GGPS1: variants seen among roughly 807,000 people sequenced by gnomAD.
GGPS1 encodes geranylgeranyl diphosphate synthase 1.
GGPS1 carries 15 observed loss-of-function variants against 28.1 expected under a neutral mutation model. The ratio of observed to expected loss-of-function variants is 0.53; its 90% CI spans 0.36 to 0.82. The LOEUF (loss-of-function observed/expected upper bound fraction) is 0.82, where lower values mean the gene tolerates loss of function less well. Ranked by LOEUF, GGPS1 falls within the 40% of genes least tolerant of loss-of-function variation. The probability of loss-of-function intolerance (pLI) is 0.01; values close to 1 mark genes in which losing one functional copy is unlikely to be tolerated. For synonymous variants in GGPS1, 138 were observed against 122.4 expected (o/e 1.13, Z -0.84); for missense variants, 284 against 348.3 (o/e 0.82, Z 1.47).
At chr1:235,335,745 T>C (rs150234060) in intron 2 of GGPS1, among the ~76,000 whole-genome samples, 1 of 152,326 alleles carries the variant, frequency 6.6e-6, no homozygotes, top group Non-Finnish European at 1.5e-5. Flanking sequence ...AAAATAAAAA[T>C]ACTTAAAACA....
intron 2 of GGPS1, among the ~76,000 whole-genome samples, chr1:235,340,735 CAAAAAAAAAAAA>C (rs1165162184): frequency 9.8e-5 from 5 of 50,994 alleles, no homozygotes; most frequent in Non-Finnish European, 6.7e-5. Context: ...GACTCCGTCT[CAAAAAAAAAAAA>C]AAAAAAAAAA....
intron 1 of GGPS1, among the ~76,000 whole-genome samples, chr1:235,331,671 T>A (rs984365853): frequency 5.9e-5 from 9 of 151,708 alleles, no homozygotes; most frequent in Admixed American, 5.9e-4. Context: ...TTTCATCATA[T>A]TCTCAAAAGG....
In GGPS1 at chr1:235,342,239, C is replaced by G. The variant is rs1162297913; in HGVS notation, c.370C>G (p.Gln124Glu). The change falls in exon 4 of 4, where the codon CAG becomes GAG. Residue 124 changes from glutamine to glutamate, a missense_variant. Transcript: ENST00000282841. Reference protein sequence around the residue: ...LFTRQLLELHQGQGLDIYWRD... With the variant: ...LFTRQLLELHEGQGLDIYWRD... Reference sequence around the variant, plus strand: ...TACCCGCCAGCTTTTGGAACTCCATCAGGGACAAGGCCTAGATATTTACTG... The same window carrying G: ...TACCCGCCAGCTTTTGGAACTCCATGAGGGACAAGGCCTAGATATTTACTG... 6.2e-7 allele frequency: 1 copy of G among 1,613,984 alleles called. No homozygotes were observed. Among genetic ancestry groups the G allele is most frequent in the Non-Finnish European group, 8.5e-7 (1 of 1,179,894 alleles).
upstream of GGPS1, chr1:235,328,245 C>A (rs1419018682): frequency 6.7e-6 from 1 of 148,972 alleles, no homozygotes; most frequent in Non-Finnish European, 1.5e-5. Context: ...TTTTTTCCCC[C>A]CCTCCCCTAC....
At chr1:235,330,018 C>A (rs867839880) in intron 1 of GGPS1, 1 of 152,164 alleles carries the variant, frequency 6.6e-6, no homozygotes, top group Non-Finnish European at 1.5e-5. Flanking sequence ...TAAAAGGAAA[C>A]TAGTAGAGTT....
At chr1:235,333,446 G>A (rs147439806) in intron 1 of GGPS1, among the ~76,000 whole-genome samples, 3 of 151,984 alleles carry the variant, frequency 2.0e-5, no homozygotes, top group Admixed American at 1.3e-4. Context: ...GCAAGAACCT[G>A]TAATCCCTGC....
intron 3 of GGPS1, 28 bp from the exon 4 acceptor site, chr1:235,341,983 T>G (rs1250295042): frequency 2.2e-6 from 3 of 1,369,576 alleles, no homozygotes; most frequent in Non-Finnish European, 3.0e-6. Context: ...ATAGTTCAAA[T>G]AAGTGAAATT....
Position 235,342,227 on chromosome 1 carries a change from T to C in GGPS1, c.358T>C (p.Leu120=). The C allele has an allele frequency of 6.2e-7, 1 of 1,613,996 alleles. No homozygotes were observed. ...AGTGAAGCTTTTTACCCGCCAGCTTTTGGAACTCCATCAGGGACAAGGCCT... is the reference window on the plus strand; with the variant it reads ...AGTGAAGCTTTTTACCCGCCAGCTTCTGGAACTCCATCAGGGACAAGGCCT... ...DAVKLFTRQL[L]ELHQGQGLDI... The change falls in exon 4 of 4, where the codon TTG becomes CTG. Residue 120 remains leucine, a synonymous_variant. Coordinates refer to ENST00000282841, the MANE Select transcript of GGPS1 (RefSeq NM_004837.4).
chr1:235,342,194 C>T lies in GGPS1; in HGVS notation c.325C>T (p.Pro109Ser). ...GGAGAAAGTCTTAACCCTTGATCAC[C>T]CAGATGCAGTGAAGCTTTTTACCCG... ...GLEKVLTLDH[P>S]DAVKLFTRQL... Residue 109 changes from proline to serine, a missense_variant, in exon 4 of 4, where the codon CCA becomes TCA. Coordinates refer to ENST00000282841, the MANE Select transcript of GGPS1 (RefSeq NM_004837.4). 1 of 1,613,874 alleles carries T rather than the reference C, an allele frequency of 6.2e-7. No homozygotes were observed. Among genetic ancestry groups the T allele is most frequent in the Non-Finnish European group, 8.5e-7 (1 of 1,179,828 alleles).
Position 235,342,320 on chromosome 1 carries a change from A to G in GGPS1, c.451A>G (p.Lys151Glu), listed in dbSNP as rs774733890. 6.2e-7 allele frequency: 1 copy of G among 1,613,792 alleles called. No individual in the cohort carries two copies. Among genetic ancestry groups the G allele is most frequent in the South Asian group, 1.1e-5 (1 of 91,076 alleles). ...AGAATATAAAGCTATGGTGCTGCAG[A>G]AAACAGGTGGACTGTTTGGATTAGC... ...EEEYKAMVLQ[K>E]TGGLFGLAVG... is the part of the protein sequence containing the mutation. Residue 151 changes from lysine (K) to glutamate (E), a missense_variant, in exon 4 of 4, where the codon AAA becomes GAA. Coordinates refer to ENST00000282841, the MANE Select transcript of GGPS1 (RefSeq NM_004837.4).
At chr1:235,339,097 C>T (rs575335815) in intron 2 of GGPS1, among the ~76,000 whole-genome samples, 1 of 151,984 alleles carries the variant, frequency 6.6e-6, no homozygotes, top group Non-Finnish European at 1.5e-5. Context: ...GTCAGGAATT[C>T]AAGACCAGCC....
chr1:235,331,745 G>T (rs1211967809), intron 1 of GGPS1, among the ~76,000 whole-genome samples: 9 of 151,908 alleles, frequency 5.9e-5, no homozygotes, highest in Admixed American at 5.9e-4. Context: ...ACAGTTGATG[G>T]TTATATGTGT....
rs763463701 is a variant in GGPS1 at position 235,342,298 on chromosome 1, A to G, written c.429A>G (p.Glu143=). The change falls in exon 4 of 4, where the codon GAA becomes GAG. Residue 143 remains glutamate (E), a synonymous_variant. Transcript: ENST00000282841. ...ATTACACTTGTCCCACTGAAGAAGA[A>G]TATAAAGCTATGGTGCTGCAGAAAA... The part of the protein sequence containing the change: ...RDNYTCPTEE[E]YKAMVLQKTG... The G allele has an allele frequency of 4.3e-6, 7 of 1,614,048 alleles. No homozygotes were observed. In the Admixed American group the frequency reaches 1.0e-4, roughly 23 times the overall value.
chr1:235,342,562 G>A lies in GGPS1; in HGVS notation c.693G>A (p.Gln231=), dbSNP rs1479715457. ...CAAGGCCTGAAAGCACCCAGGTGCAGAATATCTTGCGCCAGAGAACAGAAA... is the reference window on the plus strand; with the variant it reads ...CAAGGCCTGAAAGCACCCAGGTGCAAAATATCTTGCGCCAGAGAACAGAAA... ...IWSRPESTQV[Q]NILRQRTENI... Residue 231 remains glutamine, a synonymous_variant, in exon 4 of 4, where the codon CAG becomes CAA. Transcript: ENST00000282841. 2 of 1,611,300 alleles carry A rather than the reference G, an allele frequency of 1.2e-6. No individual in the cohort carries two copies. The highest frequency in any genetic ancestry group is 1.1e-5 in the South Asian group (1 of 91,036).
intron 2 of GGPS1, among the ~76,000 whole-genome samples, chr1:235,340,902 C>T (rs1391839626): frequency 1.3e-5 from 2 of 151,886 alleles, no homozygotes; most frequent in Non-Finnish European, 2.9e-5. Flanking sequence ...GCAGAGCTTC[C>T]CCATCTCTAA....
At position 235,328,606 on chromosome 1, in the gene GGPS1, A is replaced by G. The variant is rs571931158; in HGVS notation, c.-196A>G. The stretch of plus-strand genomic sequence containing the variant: ...GATGGCGCATTTTCTTGCACCAACT[A>G]ATGCGGTGTCGCTGGCGGCTGAGGA... On this transcript the variant is annotated 5_prime_UTR_variant, in exon 1 of 4. Coordinates refer to ENST00000282841, the MANE Select transcript of GGPS1 (RefSeq NM_004837.4). 2.0e-5 allele frequency: 3 copies of G among 153,048 alleles called. No homozygotes were observed. Among genetic ancestry groups the G allele is most frequent in the Admixed American group, 6.5e-5 (1 of 15,272 alleles). The allele number at this position is 153,048 out of a possible 1,614,324, so 9.5% of individuals were successfully genotyped here.
intron 2 of GGPS1, among the ~76,000 whole-genome samples, chr1:235,336,641 T>TA (rs869195739): frequency 1.3e-5 from 2 of 150,626 alleles, no homozygotes; most frequent in Non-Finnish European, 2.9e-5. Context: ...AAACATTTTT[T>TA]AAAAAAGAAG....
chr1:235,342,197 G>A lies in GGPS1; in HGVS notation c.328G>A (p.Asp110Asn), dbSNP rs1264887137. The change falls in exon 4 of 4, where the codon GAT becomes AAT. Residue 110 changes from aspartate to asparagine, a missense_variant. Physicochemically the swap from Asp to Asn is conservative, Grantham distance 23. Transcript: ENST00000282841. ...GAAAGTCTTAACCCTTGATCACCCA[G>A]ATGCAGTGAAGCTTTTTACCCGCCA... ...LEKVLTLDHP[D>N]AVKLFTRQLL... The A allele has an allele frequency of 1.9e-6, 3 of 1,613,992 alleles. No homozygotes were observed. The South Asian group carries it at 3.3e-5, about 18-fold the overall frequency.
chr1:235,341,921 T>G (rs1676056219), intron 3 of GGPS1, 90 bp from the exon 4 acceptor site: 10 of 940,584 alleles, frequency 1.1e-5, no homozygotes, highest in African/African-American at 1.7e-5. Context: ...GTTGTGAAAA[T>G]TAACACACCT....
Sources: allele counts gnomAD v4.1 joint callset (sites outside exome capture counted in the v4.1 genomes callset), GRCh38; gene constraint gnomAD v4.1.1; transcripts MANE v1.5; gene names NCBI Gene and HGNC (gene_info 2026-07-23, HGNC 2026-07-21).